Variants in TECRL observed in about 807,000 individuals in gnomAD.
TECRL encodes the protein trans-2,3-enoyl-CoA reductase-like.
TECRL carries 63 observed loss-of-function variants against 52.8 expected under a neutral mutation model. That is an observed-to-expected ratio of 1.19 (90% CI 0.97 to 1.47). TECRL has a LOEUF of 1.47. Ranked by LOEUF, TECRL falls within the 40% of genes most tolerant of loss-of-function variation. The pLI is 0.00. For missense variants in TECRL, 482 were observed against 429.6 expected (o/e 1.12, Z -1.08); for synonymous variants, 164 against 141.9 (o/e 1.16, Z -1.10).
At chr4:64,310,885 A>G (rs1418160390) in intron 5 of TECRL, among the ~76,000 whole-genome samples, 6 of 151,920 alleles carry the variant, frequency 3.9e-5, no homozygotes, top group Non-Finnish European at 8.8e-5. Flanking sequence ...TGCCCGGCTA[A>G]TTTTTTTGTA....
At position 64,314,688 on chromosome 4, in the gene TECRL, C is replaced by G; in HGVS notation, c.511G>C (p.Gly171Arg). 1 of 1,577,138 alleles carries G rather than the reference C, an allele frequency of 6.3e-7. No homozygotes were observed. Among genetic ancestry groups the G allele is most frequent in the Non-Finnish European group, 8.6e-7 (1 of 1,158,334 alleles). ...FYLRIPCIYD[G>R]KESARRLRHP... ...CGTAATCTTCTAGCACTCTCTTTTCCATCATATATACATGGGATCCTCAAA... is the reference window on the plus strand; with the variant it reads ...CGTAATCTTCTAGCACTCTCTTTTCGATCATATATACATGGGATCCTCAAA... The change falls in exon 5 of 12, where the codon GGA (glycine) becomes CGA (arginine). Residue 171 changes from glycine (G) to arginine (R), a missense_variant. Transcript: ENST00000381210.
downstream of TECRL, chr4:64,276,443 T>A (rs1485326995): frequency 6.6e-6 from 1 of 151,910 alleles, no homozygotes; most frequent in Non-Finnish European, 1.5e-5. Context: ...GTATAATGTG[T>A]GTATATATTT....
At chr4:64,286,702 A>C (rs1404651393) in intron 9 of TECRL, among the ~76,000 whole-genome samples, 1 of 152,076 alleles carries the variant, frequency 6.6e-6, no homozygotes, top group East Asian at 1.9e-4. Flanking sequence ...AAGGAGAGAG[A>C]ATTAGGTTGG....
At chr4:64,314,807 T>C (rs1717372648) in intron 4 of TECRL, 44 bp from the exon 5 acceptor site, 1 of 1,386,622 alleles carries the variant, frequency 7.2e-7, no homozygotes, top group Admixed American at 1.7e-5. Flanking sequence ...AAAATAGATG[T>C]TTTTAAGGTT....
intron 7 of TECRL, among the ~76,000 whole-genome samples, chr4:64,302,454 A>G (rs1286149487): frequency 6.6e-6 from 1 of 151,392 alleles, no homozygotes; most frequent in Non-Finnish European, 1.5e-5. Context: ...GAAAATAATA[A>G]TCATGGCAGT....
At position 64,322,689 on chromosome 4, in the gene TECRL, T is replaced by G. The variant is rs771219309; in HGVS notation, c.435A>C (p.Thr145=). The G allele has an allele frequency of 5.7e-6, 9 of 1,587,742 alleles. No homozygotes were observed. The highest frequency in any genetic ancestry group is 7.7e-6 in the Non-Finnish European group (9 of 1,166,224). The part of the protein sequence containing the change: ...TDLGQQVSWT[T]VFLAEYTGPL... ...TATTACATTTCAAATTAACACTTAC[T>G]GTGGTCCAACTGACTTGTTGACCTA... is the stretch of plus-strand genomic sequence containing the variant. Residue 145 remains threonine, a splice_region_variant and synonymous_variant, in exon 4 of 12, where the codon ACA becomes ACC. Transcript: ENST00000381210.
At chr4:64,404,007 A>T (rs1050891499) in intron 1 of TECRL, among the ~76,000 whole-genome samples, 1 of 152,110 alleles carries the variant, frequency 6.6e-6, no homozygotes, top group Non-Finnish European at 1.5e-5. Context: ...ATCATGTACA[A>T]GGTAAAGTAT....
intron 2 of TECRL, among the ~76,000 whole-genome samples, chr4:64,371,328 AAC>A (rs1721960942): frequency 6.6e-6 from 1 of 151,016 alleles, no homozygotes; most frequent in South Asian, 2.1e-4. Context: ...TAAATTGTAA[AAC>A]AATCACAATT....
intron 2 of TECRL, 110 bp from the exon 3 acceptor site, chr4:64,328,666 G>T (rs977707757): frequency 2.8e-5 from 24 of 847,884 alleles, no homozygotes; most frequent in African/African-American, 6.9e-5. Flanking sequence ...AATAAAATGG[G>T]TTATCTAGTG....
chr4:64,409,264 TATC>T lies in TECRL; in HGVS notation c.85_87del (p.Asp29del), dbSNP rs1560569143. 1.2e-6 allele frequency: 2 copies of T among 1,611,948 alleles called. No homozygotes were observed. The highest frequency in any genetic ancestry group is 1.7e-6 in the Non-Finnish European group (2 of 1,178,788). On this transcript the variant is annotated inframe_deletion, in exon 1 of 12. Coordinates refer to ENST00000381210, the MANE Select transcript of TECRL (RefSeq NM_001010874.5). ...TTTGACAAAAAGTGAAAATTTCTCA[TATC>T]ATCCTTCAGTATGAACCGTGTAGCT...
intron 1 of TECRL, among the ~76,000 whole-genome samples, chr4:64,379,253 C>CACACACACACACACACACACACAT (rs1560543002): frequency 1.6e-4 from 6 of 37,608 alleles, no homozygotes; most frequent in African/African-American, 4.3e-4. Context: ...CACATACACA[C>CACACACACACACACACACACACAT]ACACACACAC....
chr4:64,380,608 TC>T (rs1722721691), intron 1 of TECRL, among the ~76,000 whole-genome samples: 1 of 152,084 alleles, frequency 6.6e-6, no homozygotes, highest in Non-Finnish European at 1.5e-5. Context: ...CTAATCACAT[TC>T]TTCTGCATAT....
chr4:64,327,268 C>T (rs1718329344), intron 3 of TECRL, among the ~76,000 whole-genome samples: 1 of 152,002 alleles, frequency 6.6e-6, no homozygotes, highest in South Asian at 2.1e-4. Context: ...ACTCATCTCA[C>T]ACCCCATCCT....
At chr4:64,344,727 A>G (rs1050316620) in intron 2 of TECRL, among the ~76,000 whole-genome samples, 3 of 152,214 alleles carry the variant, frequency 2.0e-5, no homozygotes, top group East Asian at 1.9e-4. Flanking sequence ...GCAAAGAGGA[A>G]TTGGTAAGAG....
At chr4:64,365,243 C>G (rs1288844678) in intron 2 of TECRL, among the ~76,000 whole-genome samples, 1 of 151,426 alleles carries the variant, frequency 6.6e-6, no homozygotes, top group African/African-American at 2.4e-5. Flanking sequence ...AGGAACATAC[C>G]TCAAAATAAT....
intron 1 of TECRL, among the ~76,000 whole-genome samples, chr4:64,397,135 T>C (rs944298579): frequency 2.0e-5 from 3 of 152,176 alleles, no homozygotes; most frequent in African/African-American, 4.8e-5. Context: ...TTGAACTTTT[T>C]TGCTAATTAG....
intron 1 of TECRL, among the ~76,000 whole-genome samples, chr4:64,398,845 G>A (rs1299076830): frequency 6.6e-6 from 1 of 152,148 alleles, no homozygotes; most frequent in Non-Finnish European, 1.5e-5. Context: ...CCAAAATTCT[G>A]ATAATGATAC....
In TECRL at chr4:64,378,994, A is replaced by G. The variant is rs151253615; in HGVS notation, c.235-3771T>C. ...GCATACACACATATCCTGTTTTTGTATCATACAAAATGTTTCTTTTTATAT... is the reference window on the plus strand; with the variant it reads ...GCATACACACATATCCTGTTTTTGTGTCATACAAAATGTTTCTTTTTATAT... On this transcript the variant is annotated intron_variant, in intron 1 of 11. Coordinates refer to ENST00000381210, the MANE Select transcript of TECRL (RefSeq NM_001010874.5). Among the ~76,000 whole-genome samples, 54 of 152,004 alleles carry G rather than the reference A, an allele frequency of 3.6e-4. No homozygotes were observed. The East Asian group carries it at 9.1e-3, about 26-fold the overall frequency.
Position 64,293,062 on chromosome 4 carries a change from A to T in TECRL, c.775-3295T>A, listed in dbSNP as rs148197994. Among the ~76,000 whole-genome samples the T allele has an allele frequency of 5.0e-3, 759 of 152,208 alleles. 1 individual carries two copies. Among genetic ancestry groups the T allele is most frequent in the Non-Finnish European group, 8.1e-3 (548 of 67,966 alleles). On this transcript the variant is annotated intron_variant, in intron 8 of 11. Transcript: ENST00000381210. ...GTAATTTGAATACTTCTTGCTTCAA[A>T]CTAGTATTCATTTGAATAATAGCAG... is the stretch of plus-strand genomic sequence containing the variant.
Sources: allele counts gnomAD v4.1 joint callset (sites outside exome capture counted in the v4.1 genomes callset), GRCh38; gene constraint gnomAD v4.1.1; transcripts MANE v1.5; gene names NCBI Gene and HGNC (gene_info 2026-07-23, HGNC 2026-07-21).